The following GJA3 variants were observed in gnomAD, a reference collection of about 807,000 sequenced individuals.
GJA3 encodes gap junction protein alpha 3, also known as gap junction alpha-3 protein.
For missense variants in GJA3, 571 were observed against 620.3 expected (o/e 0.92, Z 0.84); for synonymous variants, 297 against 292.6 (o/e 1.02, Z -0.15).
chr13:20,144,747 T>C lies in GJA3; in HGVS notation c.-17-1442A>G, dbSNP rs1322389807. Among the ~76,000 whole-genome samples, 4 of 152,186 alleles carry C rather than the reference T, an allele frequency of 2.6e-5. No individual in the cohort carries two copies. The East Asian group carries it at 5.8e-4, about 22-fold the overall frequency. On this transcript the variant is annotated intron_variant, in intron 1 of 1. Transcript: ENST00000241125. The stretch of plus-strand genomic sequence containing the variant: ...GGGATGAAGATGAGATGGCATCCCG[T>C]GTCGCTGCTGCCCCAACAGGCTGGA...
chr13:20,147,884 G>A (rs944949418), intron 1 of GJA3, among the ~76,000 whole-genome samples: 3 of 151,994 alleles, frequency 2.0e-5, no homozygotes, highest in Admixed American at 1.3e-4. Flanking sequence ...TGGGATCACC[G>A]AGAGTTTAGA....
intron 1 of GJA3, among the ~76,000 whole-genome samples, chr13:20,145,861 T>C (rs890876267): frequency 6.6e-6 from 1 of 151,372 alleles, no homozygotes; most frequent in African/African-American, 2.4e-5. Context: ...CTTCCCAACA[T>C]CCCCCTCCCC....
chr13:20,158,912 C>CAAAAAAAAAAAACA (rs1958920601), intron 1 of GJA3, among the ~76,000 whole-genome samples: 1 of 54,980 alleles, frequency 1.8e-5, no homozygotes, highest in Non-Finnish European at 3.1e-5. Flanking sequence ...GCAAAACTCT[C>CAAAAAAAAAAAACA]AAAAAAAAAA....
Position 20,143,154 on chromosome 13 carries a change from C to T in GJA3, c.135G>A (p.Trp45Ter), listed in dbSNP as rs763332193. The T allele has an allele frequency of 6.2e-7, 1 of 1,610,584 alleles. No homozygotes were observed. The highest frequency in any genetic ancestry group is 8.5e-7 in the Non-Finnish European group (1 of 1,177,502). ...AGGTGAAGTCTGACTGCTCATCGCC[C>T]CACACGTCCTCCGCCGCGGCCCCCA... ...LVLGAAAEDV[W>*]GDEQSDFTCN... is the part of the protein sequence containing the mutation. Residue 45 changes from tryptophan (W) to a stop codon, truncating the protein, a stop_gained, in exon 2 of 2, where the codon TGG becomes TGA. Coordinates refer to ENST00000241125, the MANE Select transcript of GJA3 (RefSeq NM_021954.4). LOFTEE classifies it low-confidence loss of function (END_TRUNC).
intron 1 of GJA3, among the ~76,000 whole-genome samples, chr13:20,148,564 T>A (rs1958857759): frequency 6.6e-6 from 1 of 152,150 alleles, no homozygotes; most frequent in Admixed American, 6.5e-5. Flanking sequence ...CAGCCTGATA[T>A]CACTTTGTAA....
chr13:20,149,809 G>C (rs888539786), intron 1 of GJA3, among the ~76,000 whole-genome samples: 4 of 152,254 alleles, frequency 2.6e-5, no homozygotes, highest in African/African-American at 9.6e-5. Context: ...AGCAGAGCCA[G>C]GCTGTGGCCA....
At position 20,142,975 on chromosome 13, in the gene GJA3, T is replaced by C; in HGVS notation, c.314A>G (p.Lys105Arg). 6.3e-7 allele frequency: 1 copy of C among 1,589,374 alleles called. No homozygotes were observed. Among genetic ancestry groups the C allele is most frequent in the Non-Finnish European group, 8.6e-7 (1 of 1,167,832 alleles). The change falls in exon 2 of 2, where the codon AAG (lysine) becomes AGG (arginine). Residue 105 changes from lysine (K) to arginine (R), a missense_variant. Physicochemically the swap from Lys to Arg is conservative, Grantham distance 26. Transcript: ENST00000241125. The stretch of plus-strand genomic sequence containing the variant: ...CTCCTCCTCCTCCCTCTCTTTCTTC[T>C]TCTCTTCCATGCGCACGATGTGCAG... ...HVLHIVRMEE[K>R]KKEREEEEQL...
intron 1 of GJA3, among the ~76,000 whole-genome samples, chr13:20,158,723 C>T (rs1311929157): frequency 6.6e-6 from 1 of 151,560 alleles, no homozygotes; most frequent in Non-Finnish European, 1.5e-5. Flanking sequence ...ACCAGCCTGT[C>T]CAACATGGTG....
intron 1 of GJA3, among the ~76,000 whole-genome samples, chr13:20,148,649 T>C (rs781155564): frequency 3.9e-5 from 6 of 152,196 alleles, no homozygotes; most frequent in Non-Finnish European, 8.8e-5. Flanking sequence ...TCTTCTGTGC[T>C]AAGTACAGGC....
chr13:20,155,431 G>A (rs948822106), intron 1 of GJA3, among the ~76,000 whole-genome samples: 2 of 151,974 alleles, frequency 1.3e-5, no homozygotes, highest in Admixed American at 1.3e-4. Flanking sequence ...ACTAACATAC[G>A]TAGGTTTACT....
At position 20,142,836 on chromosome 13, in the gene GJA3, G is replaced by A; in HGVS notation, c.453C>T (p.Phe151=). The A allele has an allele frequency of 3.1e-6, 5 of 1,613,230 alleles. No individual in the cohort carries two copies. The highest frequency in any genetic ancestry group is 4.2e-6 in the Non-Finnish European group (5 of 1,179,612). The change falls in exon 2 of 2, where the codon TTC becomes TTT. Residue 151 remains phenylalanine, a synonymous_variant. Transcript: ENST00000241125. ...CGAACAGCGTCTTGAAGATGATGTT[G>A]AAGACGTAGGTCCGCAGCAGCGCCC... ...MAGALLRTYV[F]NIIFKTLFEV...
intron 1 of GJA3, among the ~76,000 whole-genome samples, chr13:20,157,179 T>C (rs1464338690): frequency 2.0e-5 from 3 of 152,204 alleles, no homozygotes; most frequent in African/African-American, 7.2e-5. Context: ...AAATTGAACT[T>C]AGCAGTACCC....
chr13:20,143,509 T>G (rs1958825575), intron 1 of GJA3, among the ~76,000 whole-genome samples: 1 of 152,198 alleles, frequency 6.6e-6, no homozygotes, highest in Non-Finnish European at 1.5e-5. Context: ...CAGGTTAAAC[T>G]CTTCATTTCA....
chr13:20,160,455 T>G (rs1958930494), intron 1 of GJA3, among the ~76,000 whole-genome samples: 1 of 152,082 alleles, frequency 6.6e-6, no homozygotes, highest in African/African-American at 2.4e-5. Flanking sequence ...GCTGGCGCGG[T>G]GACATCTGCT....
At position 20,143,092 on chromosome 13, in the gene GJA3, T is replaced by A; in HGVS notation, c.197A>T (p.Tyr66Phe). Residue 66 changes from tyrosine to phenylalanine, a missense_variant, in exon 2 of 2, where the codon TAC (tyrosine) becomes TTC (phenylalanine). Coordinates refer to ENST00000241125, the MANE Select transcript of GJA3 (RefSeq NM_021954.4). ...TQQPGCENVC[Y>F]DRAFPISHIR... The stretch of plus-strand genomic sequence containing the variant: ...GTGGGAGATGGGGAAGGCCCTGTCG[T>A]AGCAGACGTTCTCGCAGCCCGGCTG... 1 of 1,613,974 alleles carries A rather than the reference T, an allele frequency of 6.2e-7. No homozygotes were observed. The highest frequency in any genetic ancestry group is 8.5e-7 in the Non-Finnish European group (1 of 1,179,946).
chr13:20,150,460 C>T (rs775537472), intron 1 of GJA3, among the ~76,000 whole-genome samples: 2 of 152,020 alleles, frequency 1.3e-5, no homozygotes, highest in Non-Finnish European at 2.9e-5. Flanking sequence ...TCCTGCACAG[C>T]GTGGGGGAAG....
intron 1 of GJA3, among the ~76,000 whole-genome samples, chr13:20,154,306 A>G (rs886886739): frequency 2.0e-5 from 3 of 152,194 alleles, no homozygotes; most frequent in Admixed American, 6.5e-5. Context: ...GTTCTCACAC[A>G]TCTATTAGAT....
rs558850151 is a variant in GJA3, at chr13:20,148,758, C to T, written c.-17-5453G>A. On this transcript the variant is annotated intron_variant, in intron 1 of 1. Coordinates refer to ENST00000241125, the MANE Select transcript of GJA3 (RefSeq NM_021954.4). ...GAGTACCGCTGGGCAGAGGAAAAGA[C>T]GGGCTTTCGCTCATCACCCACGGGG... Among the ~76,000 whole-genome samples, 14 of 152,364 alleles carry T rather than the reference C, an allele frequency of 9.2e-5. No individual in the cohort carries two copies. The East Asian group carries it at 1.5e-3, about 17-fold the overall frequency.
At chr13:20,157,691 T>C (rs1958914045) in intron 1 of GJA3, among the ~76,000 whole-genome samples, 1 of 152,228 alleles carries the variant, frequency 6.6e-6, no homozygotes, top group African/African-American at 2.4e-5. Context: ...TTTTGCATTT[T>C]ATTATATTCT....
Sources: gnomAD v4.1 joint callset for allele counts (sites outside exome capture counted in the v4.1 genomes callset) on GRCh38, gnomAD v4.1.1 for gene constraint, MANE v1.5 for transcripts, NCBI Gene and HGNC (gene_info 2026-07-23, HGNC 2026-07-21) for gene names.